ASAP1: variants seen among roughly 807,000 people sequenced by gnomAD.
ASAP1 encodes the protein ArfGAP with SH3 domain, ankyrin repeat and PH domain 1, also known as arf-GAP with SH3 domain, ANK repeat and PH domain-containing protein 1.
In ASAP1, 43 loss-of-function variants were observed where a neutral mutation model predicts 145.2. The ratio of observed to expected loss-of-function variants is 0.30; its 90% CI spans 0.23 to 0.38. The LOEUF (loss-of-function observed/expected upper bound fraction) is 0.38. Among genes scored for constraint, ASAP1 ranks in the 10% least tolerant of loss-of-function variants. The pLI, the probability that ASAP1 is intolerant of heterozygous loss-of-function variation, is 1.00. For missense variants in ASAP1, 1,018 were observed against 1,355.3 expected (o/e 0.75, Z 3.91); for synonymous variants, 546 against 515.5 (o/e 1.06, Z -0.80).
chr8:130,396,817 G>T (rs552011250), intron 2 of ASAP1, among the ~76,000 whole-genome samples: 41 of 152,316 alleles, frequency 2.7e-4, no homozygotes, highest in Non-Finnish European at 5.1e-4. Context: ...TTGACATTTG[G>T]AAAGGCAAAA....
chr8:130,422,664 A>G (rs1286715511), intron 1 of ASAP1, among the ~76,000 whole-genome samples: 2 of 152,228 alleles, frequency 1.3e-5, no homozygotes, highest in African/African-American at 4.8e-5. Flanking sequence ...TCCTTGAAGT[A>G]GGCCTGGAGA....
chr8:130,408,328 G>A (rs373107534), intron 1 of ASAP1, among the ~76,000 whole-genome samples: 2 of 152,222 alleles, frequency 1.3e-5, no homozygotes, highest in East Asian at 1.9e-4. Context: ...CCTTCCCAAC[G>A]TGAGTGGGCA....
chr8:130,342,043 C>T (rs1825417481), intron 3 of ASAP1, among the ~76,000 whole-genome samples: 1 of 152,132 alleles, frequency 6.6e-6, no homozygotes, highest in South Asian at 2.1e-4. Context: ...TTGAGTGAAA[C>T]ATGGGAGAGA....
chr8:130,348,046 T>C (rs1262825217), intron 3 of ASAP1, among the ~76,000 whole-genome samples: 1 of 152,188 alleles, frequency 6.6e-6, no homozygotes, highest in Non-Finnish European at 1.5e-5. Flanking sequence ...CTGAGGCCTT[T>C]TCCAGTTCTA....
At chr8:130,372,075 C>G (rs190483952) in intron 2 of ASAP1, among the ~76,000 whole-genome samples, 4 of 152,138 alleles carry the variant, frequency 2.6e-5, no homozygotes, top group Non-Finnish European at 4.4e-5. Context: ...ATGCAACAGG[C>G]CTATTTTGTG....
At chr8:130,091,358 G>T (rs1277180929) in intron 25 of ASAP1, among the ~76,000 whole-genome samples, 1 of 152,190 alleles carries the variant, frequency 6.6e-6, no homozygotes, top group East Asian at 1.9e-4. Flanking sequence ...ACTCAAGGAT[G>T]AAAGGGAAGC....
chr8:130,167,903 A>G (rs1185471559), intron 10 of ASAP1, among the ~76,000 whole-genome samples: 1 of 152,182 alleles, frequency 6.6e-6, no homozygotes, highest in African/African-American at 2.4e-5. Flanking sequence ...TATCATTGAG[A>G]TTATTTGCTT....
Position 130,189,571 on chromosome 8 carries a change from T to A in ASAP1, c.406-1388A>T, listed in dbSNP as rs888895796. On this transcript the variant is annotated intron_variant, in intron 5 of 29. Transcript: ENST00000518721. ...ACTCAACTGTTGATGGACACTTAGG[T>A]TGATTCCGTATCTTGGCTACTGTGA... Among the ~76,000 whole-genome samples, 9 of 152,350 alleles carry A rather than the reference T, an allele frequency of 5.9e-5. No individual in the cohort carries two copies. The South Asian group carries it at 1.9e-3, about 32-fold the overall frequency.
rs1194326223 is a variant in ASAP1 at position 130,058,093 on chromosome 8, G to A, written c.3193-17C>T. ...ATTTTTCCCCTTAAAGAAAGAAACT[G>A]GGTTTTAATTGAAAGAATGGACTGA... On this transcript the variant is annotated splice_polypyrimidine_tract_variant and intron_variant, in intron 28 of 29. Coordinates refer to ENST00000518721, the MANE Select transcript of ASAP1 (RefSeq NM_018482.4). 3 of 1,610,732 alleles carry A rather than the reference G, an allele frequency of 1.9e-6. No homozygotes were observed. The highest frequency in any genetic ancestry group is 2.5e-6 in the Non-Finnish European group (3 of 1,177,168).
chr8:130,162,545 G>A lies in ASAP1; in HGVS notation c.910-2581C>T, dbSNP rs552320414. Among the ~76,000 whole-genome samples, 12 of 152,232 alleles carry A rather than the reference G, an allele frequency of 7.9e-5. No homozygotes were observed. In the East Asian group the frequency reaches 1.9e-3, roughly 25 times the overall value. On this transcript the variant is annotated intron_variant, in intron 11 of 29. Coordinates refer to ENST00000518721, the MANE Select transcript of ASAP1 (RefSeq NM_018482.4). ...AGAAACATTAAAAACATGGCCAGGC[G>A]CAGTGGCTCACGCCTGTAATCCCAG...
intron 3 of ASAP1, among the ~76,000 whole-genome samples, chr8:130,352,843 TCAAA>T (rs1826081768): frequency 6.6e-6 from 1 of 152,250 alleles, no homozygotes; most frequent in Admixed American, 6.5e-5. Context: ...ATTCATTTCA[TCAAA>T]CATTTCTATA....
intron 2 of ASAP1, among the ~76,000 whole-genome samples, chr8:130,396,452 CCTTT>C (rs1828535353): frequency 2.0e-5 from 3 of 152,214 alleles, no homozygotes; most frequent in South Asian, 2.1e-4. Flanking sequence ...AACCTTCCTT[CCTTT>C]ATGTATTTAA....
chr8:130,189,337 C>T (rs1160919218), intron 5 of ASAP1, among the ~76,000 whole-genome samples: 2 of 152,296 alleles, frequency 1.3e-5, no homozygotes, highest in African/African-American at 2.4e-5. Context: ...TTCCCAGCCT[C>T]TGGTAACCAT....
intron 13 of ASAP1, among the ~76,000 whole-genome samples, chr8:130,142,623 T>A (rs1012200817): frequency 6.6e-6 from 1 of 152,108 alleles, no homozygotes; most frequent in Non-Finnish European, 1.5e-5. Context: ...ACCAAAGATG[T>A]AGGCAAGGTT....
intron 9 of ASAP1, among the ~76,000 whole-genome samples, chr8:130,171,382 C>A (rs1813584954): frequency 6.6e-6 from 1 of 152,070 alleles, no homozygotes; most frequent in Non-Finnish European, 1.5e-5. Flanking sequence ...GCTAGGGAGA[C>A]CTCAGGAAAC....
In ASAP1 at chr8:130,248,126, G is replaced by A. The variant is rs188618504; in HGVS notation, c.187-11132C>T. ...AAAATAGGAGCTTACTTATCAAAGAGGAATAGTTTATCTACCTGGTATTTC... is the reference window on the plus strand; with the variant it reads ...AAAATAGGAGCTTACTTATCAAAGAAGAATAGTTTATCTACCTGGTATTTC... On this transcript the variant is annotated intron_variant, in intron 3 of 29. Coordinates refer to ENST00000518721, the MANE Select transcript of ASAP1 (RefSeq NM_018482.4). Among the ~76,000 whole-genome samples, 314 of 152,200 alleles carry A rather than the reference G, an allele frequency of 2.1e-3. 1 individual carries two copies. Among genetic ancestry groups the A allele is most frequent in the Admixed American group, 3.3e-3 (51 of 15,286 alleles).
At chr8:130,385,061 C>T (rs1827949194) in intron 2 of ASAP1, among the ~76,000 whole-genome samples, 2 of 152,186 alleles carry the variant, frequency 1.3e-5, no homozygotes, top group African/African-American at 4.8e-5. Context: ...CAAGGAGCTA[C>T]AAGAGGGGAA....
rs902045011 is a variant in ASAP1, at chr8:130,091,880, C to T, written c.2572+93G>A. On this transcript the variant is annotated intron_variant, in intron 25 of 29. Coordinates refer to ENST00000518721, the MANE Select transcript of ASAP1 (RefSeq NM_018482.4). ...CCCAGCATGTGTGTGCATTTTGGCACACTTTCTGAATGTGCTAACAGGCCA... is the reference window on the plus strand; with the variant it reads ...CCCAGCATGTGTGTGCATTTTGGCATACTTTCTGAATGTGCTAACAGGCCA... The T allele has an allele frequency of 3.7e-6, 5 of 1,348,718 alleles. No homozygotes were observed. The African/African-American group carries it at 7.6e-5, about 21-fold the overall frequency. 83.5% of individuals were successfully genotyped at this position (1,348,718 alleles called of 1,614,324 possible).
intron 4 of ASAP1, among the ~76,000 whole-genome samples, chr8:130,233,886 A>C (rs1312294108): frequency 1.3e-5 from 2 of 152,230 alleles, no homozygotes; most frequent in African/African-American, 4.8e-5. Context: ...ACAAAAACGA[A>C]AAACATAGTA....
Sources: allele counts gnomAD v4.1 joint callset (sites outside exome capture counted in the v4.1 genomes callset), GRCh38; gene constraint gnomAD v4.1.1; transcripts MANE v1.5; gene names NCBI Gene and HGNC (gene_info 2026-07-23, HGNC 2026-07-21).